Variants in SGCD observed in about 807,000 individuals in gnomAD.
The protein encoded by SGCD is sarcoglycan delta.
In SGCD, 18 loss-of-function variants were observed where a neutral mutation model predicts 36.6. The ratio of observed to expected loss-of-function variants is 0.49; its 90% CI spans 0.34 to 0.73. SGCD has a LOEUF of 0.73. Among genes scored for constraint, SGCD ranks in the 30% least tolerant of loss-of-function variants. The pLI, the probability that SGCD is intolerant of heterozygous loss-of-function variation, is 0.01. For missense variants in SGCD, 387 were observed against 346.7 expected, an observed-to-expected ratio of 1.12 and a Z score of -0.92; for synonymous variants, 133 against 130.6, an observed-to-expected ratio of 1.02 and a Z score of -0.12.
chr5:155,815,255 A>G, the SGCD span, among the ~76,000 whole-genome samples: 2 of 152,188 alleles, frequency 1.3e-5, no homozygotes, highest in African/African-American at 2.4e-5. Context: ...TTTGCTATAT[A>G]TTCTTAAGGT....
intron 6 of SGCD, among the ~76,000 whole-genome samples, chr5:156,628,541 C>T (rs960886278): frequency 2.0e-5 from 3 of 152,048 alleles, no homozygotes; most frequent in African/African-American, 7.2e-5. Flanking sequence ...AGAACATGGG[C>T]TGGGATTTGT....
At chr5:156,084,880 T>A (rs1020968801) in intron 1 of SGCD, among the ~76,000 whole-genome samples, 2 of 152,224 alleles carry the variant, frequency 1.3e-5, no homozygotes, top group African/African-American at 4.8e-5. Flanking sequence ...CCTAACTTGC[T>A]GTGAATTTTA....
chr5:156,744,510 A>G (rs1245582632), intron 7 of SGCD, among the ~76,000 whole-genome samples: 1 of 152,186 alleles, frequency 6.6e-6, no homozygotes, highest in Non-Finnish European at 1.5e-5. Flanking sequence ...GTTCCAGTTC[A>G]TCATCATTCT....
At chr5:156,432,063 C>T (rs1289409138) in intron 3 of SGCD, among the ~76,000 whole-genome samples, 1 of 152,176 alleles carries the variant, frequency 6.6e-6, no homozygotes, top group Non-Finnish European at 1.5e-5. Context: ...ACCCGTGGGA[C>T]TACGAGGCTC....
At chr5:156,552,801 A>C (rs2113206562) in intron 4 of SGCD, among the ~76,000 whole-genome samples, 1 of 152,316 alleles carries the variant, frequency 6.6e-6, no homozygotes, top group African/African-American at 2.4e-5. Flanking sequence ...TCAGCCCAAA[A>C]TATTTTTAGA....
chr5:156,434,464 TTAGGGAAGGG>T lies in SGCD; in HGVS notation c.193-74134_193-74125del, dbSNP rs571607341. ...TTCAGCCCTTGTCATATTGGCCCAC[TTAGGGAAGGG>T]TAACTACAGAAGGTAATTACTAAGA... On this transcript the variant is annotated intron_variant, in intron 3 of 8. Transcript: ENST00000337851. Among the ~76,000 whole-genome samples the T allele has an allele frequency of 3.2e-4, 48 of 152,314 alleles. 1 individual carries two copies. The highest frequency in any genetic ancestry group is 1.1e-3 in the African/African-American group (46 of 41,578).
intron 6 of SGCD, among the ~76,000 whole-genome samples, chr5:156,618,099 A>AG (rs1378249479): frequency 6.6e-6 from 1 of 152,176 alleles, no homozygotes; most frequent in East Asian, 1.9e-4. Context: ...CGCAGAAGGA[A>AG]GCATGAGAAT....
chr5:156,422,365 T>A (rs1773351900), intron 3 of SGCD, among the ~76,000 whole-genome samples: 1 of 152,036 alleles, frequency 6.6e-6, no homozygotes, highest in Non-Finnish European at 1.5e-5. Context: ...TGTGTTTGAC[T>A]CTTCTTTCTC....
intron 3 of SGCD, among the ~76,000 whole-genome samples, chr5:156,459,986 C>T (rs760374516): frequency 5.3e-5 from 8 of 152,188 alleles, no homozygotes; most frequent in East Asian, 1.9e-4. Flanking sequence ...CATATGGCAC[C>T]GCTATAATGA....
rs763067309 is a variant in SGCD at position 155,975,609 on chromosome 5, C to CTTTTTTTTTTTTTTTTTTTTT, written c.-282+105202_-282+105222dup. ...TGTGTTATTTATTTTTCTTTCTTTCCTTTTTTTTTTTTTTTTTTTTTTTTT... is the reference window on the plus strand; with the variant it reads ...TGTGTTATTTATTTTTCTTTCTTTCCTTTTTTTTTTTTTTTTTTTTTTTTTTTTTTTTTTTTTTTTTTTTTT... On this transcript the variant is annotated intron_variant, in intron 1 of 9. Coordinates refer to the SGCD transcript ENST00000517913. 7.1e-5 allele frequency among the ~76,000 whole-genome samples: 2 copies of CTTTTTTTTTTTTTTTTTTTTT among 28,026 alleles called. 1 individual carries two copies. The highest frequency in any genetic ancestry group is 2.6e-4 in the African/African-American group (2 of 7,622). The allele number at this position is 28,026 out of a possible 152,430, so 18.4% of individuals were successfully genotyped here.
intron 1 of SGCD, among the ~76,000 whole-genome samples, chr5:155,929,744 G>T (rs1057279314): frequency 6.6e-6 from 1 of 152,106 alleles, no homozygotes; most frequent in African/African-American, 2.4e-5. Flanking sequence ...TCTTTTCCTA[G>T]TTCCATTTAC....
At chr5:155,918,410 A>C (rs1294171564) in intron 1 of SGCD, among the ~76,000 whole-genome samples, 2 of 152,104 alleles carry the variant, frequency 1.3e-5, no homozygotes, top group African/African-American at 4.8e-5. Context: ...TAAAAATACA[A>C]AAATTATCCA....
intron 3 of SGCD, among the ~76,000 whole-genome samples, chr5:156,368,145 G>T (rs992837794): frequency 4.0e-5 from 6 of 151,108 alleles, no homozygotes; most frequent in African/African-American, 7.3e-5. Context: ...AGGCTGTAGC[G>T]CAGTGGCACG....
At chr5:156,004,507 C>T (rs1011294005) in intron 1 of SGCD, among the ~76,000 whole-genome samples, 8 of 152,164 alleles carry the variant, frequency 5.3e-5, no homozygotes, top group African/African-American at 1.9e-4. Context: ...TTCCCTGCCG[C>T]AGACTGGAAC....
chr5:155,945,654 G>A (rs1195555585), intron 1 of SGCD, among the ~76,000 whole-genome samples: 1 of 152,168 alleles, frequency 6.6e-6, no homozygotes, highest in Non-Finnish European at 1.5e-5. Context: ...TGCAGATTGT[G>A]TGTCCGGAGG....
intron 3 of SGCD, among the ~76,000 whole-genome samples, chr5:156,130,795 T>C (rs962542036): frequency 2.0e-5 from 3 of 152,128 alleles, no homozygotes; most frequent in African/African-American, 7.2e-5. Context: ...GGTGCAATCT[T>C]GACTCACCAC....
chr5:156,483,468 G>A (rs1182916284), intron 3 of SGCD, among the ~76,000 whole-genome samples: 4 of 152,220 alleles, frequency 2.6e-5, no homozygotes, highest in Non-Finnish European at 5.9e-5. Context: ...CATACTTGCA[G>A]TCAATGCTTA....
intron 1 of SGCD, among the ~76,000 whole-genome samples, chr5:156,058,876 ATTAG>A (rs1760131019): frequency 6.9e-6 from 1 of 145,806 alleles, no homozygotes; most frequent in South Asian, 2.1e-4. Flanking sequence ...GCCGTGAGTT[ATTAG>A]TTATACTGAA....
At chr5:155,995,463 G>A (rs748606501) in intron 1 of SGCD, among the ~76,000 whole-genome samples, 1 of 152,114 alleles carries the variant, frequency 6.6e-6, no homozygotes, top group Non-Finnish European at 1.5e-5. Context: ...TGTGTAAGTT[G>A]TGATATGTTA....
Sources: gnomAD v4.1 joint callset for allele counts (sites outside exome capture counted in the v4.1 genomes callset) on GRCh38, gnomAD v4.1.1 for gene constraint, MANE v1.5 for transcripts, NCBI Gene and HGNC (gene_info 2026-07-23, HGNC 2026-07-21) for gene names.